PLEC: variants seen among roughly 807,000 people sequenced by gnomAD.
The protein encoded by PLEC is plectin, also known as hemidesmosomal protein 1.
In PLEC, 216 loss-of-function variants were observed where a neutral mutation model predicts 392.8. The observed-to-expected ratio is 0.55, with a 90% CI of 0.49 to 0.62. The LOEUF is 0.62. Among genes scored for constraint, PLEC ranks in the 20% least tolerant of loss-of-function variants. The pLI is 0.00. For synonymous variants in PLEC, 3,621 were observed against 2,980.6 expected (o/e 1.21, Z -7.00); for missense variants, 6,863 against 6,563.4 (o/e 1.05, Z -1.58).
intron 1 of PLEC, among the ~76,000 whole-genome samples, chr8:143,967,400 G>T (rs991437345): frequency 9.5e-5 from 13 of 136,476 alleles, no homozygotes; most frequent in Non-Finnish European, 1.9e-4. Context: ...GAAACAGACA[G>T]AATTAAACAA....
Position 143,925,077 on chromosome 8 carries a change from C to A in PLEC, c.4852G>T (p.Ala1618Ser). Residue 1618 changes from alanine to serine, a missense_variant, in exon 31 of 32, where the codon GCC (alanine) becomes TCC (serine). By Grantham distance (99) the Ala-to-Ser change is moderately conservative. Coordinates refer to ENST00000345136, the MANE Select transcript of PLEC (RefSeq NM_201384.3). ...TCCTCGCGCGCCCGCTCGGCCTCGG[C>A]CTGCTGCTGTGCCCGCCGCTCAGCC... ...EEAERRAQQQ[A>S]EAERAREEAE... 1.9e-6 allele frequency: 3 copies of A among 1,540,180 alleles called. No individual in the cohort carries two copies. The highest frequency in any genetic ancestry group is 2.6e-6 in the Non-Finnish European group (3 of 1,149,614).
intron 1 of PLEC, among the ~76,000 whole-genome samples, chr8:143,949,905 T>C (rs1000080808): frequency 8.6e-5 from 13 of 151,810 alleles, no homozygotes; most frequent in African/African-American, 2.9e-4. Context: ...AAGGGCAGTG[T>C]TGGAGAGAGG....
At chr8:143,954,809 T>C (rs1554738742), upstream of PLEC, among the ~76,000 whole-genome samples, 1 of 152,132 alleles carries the variant, frequency 6.6e-6, no homozygotes, top group East Asian at 1.9e-4. This position sits in a 1 kb window ranked among gnomAD's most constrained non-coding sequence, Gnocchi z 4.6. Flanking sequence ...CCCCAGTCCG[T>C]GCTGGTAGTG....
At position 143,969,773 on chromosome 8, in the gene PLEC, G is replaced by T. The variant is rs917791397; in HGVS notation, c.70+3630C>A. Among the ~76,000 whole-genome samples, 1 of 151,944 alleles carries T rather than the reference G, an allele frequency of 6.6e-6. No individual in the cohort carries two copies. The highest frequency in any genetic ancestry group is 1.5e-5 in the Non-Finnish European group (1 of 67,964). On this transcript the variant is annotated intron_variant, in intron 1 of 31. Coordinates refer to the PLEC transcript ENST00000356346. This position sits in a 1 kb window ranked among gnomAD's most constrained non-coding sequence, Gnocchi z 5.1. ...CAGCTGGGGATAGAGACTTTAGGTT[G>T]TCATGTTAGGGATGGGAGTGGGGCT...
chr8:143,945,020 T>C (rs1003967658), intron 1 of PLEC, among the ~76,000 whole-genome samples: 1 of 143,632 alleles, frequency 7.0e-6, no homozygotes, highest in Admixed American at 6.7e-5. Context: ...GCGCGGGAGG[T>C]GCGGGCTCAC....
upstream of PLEC, among the ~76,000 whole-genome samples, chr8:143,953,438 C>G (rs1275803043): frequency 3.3e-5 from 5 of 151,466 alleles, no homozygotes; most frequent in Admixed American, 3.3e-4. Context: ...CACTGTGTCC[C>G]TGTCCCCGCC....
intron 1 of PLEC, among the ~76,000 whole-genome samples, chr8:143,949,734 C>A (rs1240398685): frequency 5.9e-5 from 9 of 152,232 alleles, no homozygotes; most frequent in Non-Finnish European, 1.0e-4. Context: ...CCAAGCCTCA[C>A]CCATCAACCC....
At position 143,924,934 on chromosome 8, in the gene PLEC, C is replaced by T; in HGVS notation, c.4995G>A (p.Gln1665=). 6.3e-7 allele frequency: 1 copy of T among 1,584,622 alleles called. No homozygotes were observed. Among genetic ancestry groups the T allele is most frequent in the Non-Finnish European group, 8.5e-7 (1 of 1,173,390 alleles). Residue 1665 remains glutamine (Q), a synonymous_variant, in exon 31 of 32, where the codon CAG becomes CAA. Transcript: ENST00000345136. ...KSLAQAEAEK[Q]KEEAEREARR... ...GCGCCTCGCGCTCCGCCTCCTCCTT[C>T]TGCTTCTCAGCCTCGGCCTGCGCCA... is the stretch of plus-strand genomic sequence containing the variant.
At chr8:143,937,989 G>A (rs1829498172) in intron 3 of PLEC, among the ~76,000 whole-genome samples, 162 bp downstream of exon 3, 1 of 152,184 alleles carries the variant, frequency 6.6e-6, no homozygotes. Flanking sequence ...TGGGCGGGAG[G>A]TGCTGCCAGG....
upstream of PLEC, among the ~76,000 whole-genome samples, chr8:143,956,028 G>A (rs1554739162): frequency 6.7e-6 from 1 of 148,624 alleles, no homozygotes; most frequent in East Asian, 2.0e-4. Context: ...TTGGCTCACT[G>A]CAACCTCTGC....
In PLEC at chr8:143,922,908, C is replaced by T. The variant is rs1823386725; in HGVS notation, c.7021G>A (p.Glu2341Lys). 1.3e-6 allele frequency: 2 copies of T among 1,595,532 alleles called. No individual in the cohort carries two copies. The highest frequency in any genetic ancestry group is 1.7e-6 in the Non-Finnish European group (2 of 1,171,508). ...LLQQQKELAQ[E>K]QARRLQEDKE... ...TCCTCCTGCAGCCGCCGCGCCTGCT[C>T]CTGCGCAAGCTCCTTCTGCTGCTGC... The change falls in exon 31 of 32, where the codon GAG becomes AAG. Residue 2341 changes from glutamate to lysine, a missense_variant. Transcript: ENST00000345136.
chr8:143,942,146 G>A (rs576298896), upstream of PLEC, among the ~76,000 whole-genome samples: 182 of 151,648 alleles, frequency 1.2e-3, 1 homozygote, highest in African/African-American at 4.1e-3. Flanking sequence ...AGCCGGGGGT[G>A]GGCCAGCCCC....
At chr8:143,943,792 C>T (rs782434506), upstream of PLEC, 27 of 1,611,582 alleles carry the variant, frequency 1.7e-5, no homozygotes, top group Non-Finnish European at 2.2e-5. Flanking sequence ...GCTCGTCCTG[C>T]GCCCACCGAC....
Position 143,918,850 on chromosome 8 carries a change from G to A in PLEC, c.10971C>T (p.Ile3657=). The change falls in exon 32 of 32, where the codon ATC becomes ATT. Residue 3657 remains isoleucine, a synonymous_variant. Coordinates refer to ENST00000345136, the MANE Select transcript of PLEC (RefSeq NM_201384.3). ...GCAGGTTGTAGGTCTCGAGAGAGAT[G>A]ATCCGAGCCTCGAACAGGTCCTCAG... ...LTAEDLFEAR[I]ISLETYNLLR... 1 of 1,612,950 alleles carries A rather than the reference G, an allele frequency of 6.2e-7. No homozygotes were observed. Among genetic ancestry groups the A allele is most frequent in the Non-Finnish European group, 8.5e-7 (1 of 1,180,024 alleles).
rs782004268 is a variant in PLEC, at chr8:143,927,354, A to T, written c.3757-19T>A. The T allele has an allele frequency of 2.4e-5, 39 of 1,612,092 alleles. 3 individuals carry two copies. The South Asian group carries it at 4.2e-4, about 17-fold the overall frequency. ...GCAGGGCCTGGGTGATGGTGTGGTC[A>T]GAGCCGTGGCCGCAGGGCACGCCCA... On this transcript the variant is annotated intron_variant, in intron 27 of 31. Coordinates refer to ENST00000345136, the MANE Select transcript of PLEC (RefSeq NM_201384.3).
intron 1 of PLEC, among the ~76,000 whole-genome samples, chr8:143,966,234 ACTGCT>A (rs1374451795): frequency 6.6e-6 from 1 of 152,066 alleles, no homozygotes; most frequent in East Asian, 1.9e-4. Flanking sequence ...ACAGCTGCCC[ACTGCT>A]CTGCTTCCCG....
Position 143,935,022 on chromosome 8 carries a change from C to T in PLEC, c.814G>A (p.Val272Met), listed in dbSNP as rs1564151332. The T allele has an allele frequency of 6.2e-7, 1 of 1,612,622 alleles. No homozygotes were observed. The highest frequency in any genetic ancestry group is 8.5e-7 in the Non-Finnish European group (1 of 1,179,854). Residue 272 changes from valine (V) to methionine (M), a missense_variant, in exon 8 of 32, where the codon GTG (valine) becomes ATG (methionine). Physicochemically the swap from Val to Met is conservative, Grantham distance 21. Coordinates refer to ENST00000345136, the MANE Select transcript of PLEC (RefSeq NM_201384.3). The part of the protein sequence containing the change: ...MPRVPDVQDG[V>M]RANELQLRWQ... ...GGCCCCCCACTCACGTTGGCCCTCA[C>T]CCCATCCTGCACGTCCGGCACGCGG...
chr8:143,925,345 C>G lies in PLEC; in HGVS notation c.4584G>C (p.Ala1528=). 1.9e-6 allele frequency: 3 copies of G among 1,551,654 alleles called. No individual in the cohort carries two copies. The highest frequency in any genetic ancestry group is 2.3e-5 in the South Asian group (2 of 86,076). ...CCTGCAGGGCCCGCTGCTTCTCGCG[C>G]GCCGCCTCGGCCTCGGCCTTCACGC... ...ASRVKAEAEA[A]REKQRALQAL... is the part of the protein sequence containing the mutation. The change falls in exon 31 of 32, where the codon GCG becomes GCC. Residue 1528 remains alanine, a synonymous_variant. Transcript: ENST00000345136.
Position 143,919,643 on chromosome 8 carries a change from G to T in PLEC, c.10178C>A (p.Ala3393Glu). 6.3e-7 allele frequency: 1 copy of T among 1,585,552 alleles called. No homozygotes were observed. The highest frequency in any genetic ancestry group is 8.6e-7 in the Non-Finnish European group (1 of 1,169,144). ...GGGGTCCACCAGGAAGCCAGTGGCC[G>T]CCTGCGCCTCCAGCAGGAGCGCAGC... is the stretch of plus-strand genomic sequence containing the variant. ...TTAALLLEAQ[A>E]ATGFLVDPVR... Residue 3393 changes from alanine (A) to glutamate (E), a missense_variant, in exon 32 of 32, where the codon GCG becomes GAG. Physicochemically the swap from Ala to Glu is moderately radical, Grantham distance 107. Coordinates refer to ENST00000345136, the MANE Select transcript of PLEC (RefSeq NM_201384.3).
Sources: allele counts gnomAD v4.1 joint callset (sites outside exome capture counted in the v4.1 genomes callset), GRCh38; gene constraint gnomAD v4.1.1; non-coding constraint Gnocchi (gnomAD v3.1); transcripts MANE v1.5; gene names NCBI Gene and HGNC (gene_info 2026-07-23, HGNC 2026-07-21).